Variants in PGM5 observed in about 807,000 individuals in gnomAD.
PGM5 encodes the protein phosphoglucomutase-like protein 5.
A neutral mutation model predicts 59.2 loss-of-function variants in PGM5; 23 were observed. The observed-to-expected ratio is 0.39, with a 90% CI of 0.28 to 0.55. PGM5 has a LOEUF of 0.55. PGM5 is among the 20% of genes least tolerant of loss of function. The pLI, the probability that PGM5 is intolerant of heterozygous loss-of-function variation, is 0.66. For synonymous variants in PGM5, 214 were observed against 286.0 expected (o/e 0.75, Z 2.54); for missense variants, 574 against 748.3 (o/e 0.77, Z 2.72).
At chr9:68,462,881 C>A (rs1277507772) in intron 6 of PGM5, among the ~76,000 whole-genome samples, 1 of 152,128 alleles carries the variant, frequency 6.6e-6, no homozygotes, top group South Asian at 2.1e-4. Context: ...CCTTCCATAG[C>A]CTTCTGACCA....
intron 6 of PGM5, among the ~76,000 whole-genome samples, chr9:68,413,382 A>G (rs1229726236): frequency 6.6e-6 from 1 of 152,008 alleles, no homozygotes; most frequent in African/African-American, 2.4e-5. Flanking sequence ...GGGTTTCCCA[A>G]ATATTTTCAG....
chr9:68,445,203 A>G (rs1450182994), intron 6 of PGM5, among the ~76,000 whole-genome samples: 1 of 151,640 alleles, frequency 6.6e-6, no homozygotes, highest in Non-Finnish European at 1.5e-5. Flanking sequence ...TCAGGATTAG[A>G]TAGGTGGAAA....
At chr9:68,422,113 A>G (rs1823140930) in intron 6 of PGM5, among the ~76,000 whole-genome samples, 1 of 152,024 alleles carries the variant, frequency 6.6e-6, no homozygotes, top group Admixed American at 6.5e-5. Flanking sequence ...AAAAATTTAG[A>G]AGCTATATAT....
At chr9:68,447,439 C>A (rs774954415) in intron 6 of PGM5, among the ~76,000 whole-genome samples, 4 of 152,016 alleles carry the variant, frequency 2.6e-5, no homozygotes, top group African/African-American at 4.8e-5. Context: ...AGAGAGAGAG[C>A]TGGCTTTGAA....
intron 10 of PGM5, among the ~76,000 whole-genome samples, chr9:68,500,824 C>T (rs1036902307): frequency 6.6e-6 from 1 of 152,150 alleles, no homozygotes; most frequent in Non-Finnish European, 1.5e-5. Flanking sequence ...CCTATTTGCA[C>T]AGGGCAAGTG....
chr9:68,524,773 C>T (rs1020793001), intron 10 of PGM5, among the ~76,000 whole-genome samples: 12 of 152,166 alleles, frequency 7.9e-5, no homozygotes, highest in African/African-American at 2.9e-4. Flanking sequence ...CTCTCTTTAT[C>T]CTTGTCACTC....
At chr9:68,430,581 A>G (rs1174522184) in intron 6 of PGM5, among the ~76,000 whole-genome samples, 17 of 152,366 alleles carry the variant, frequency 1.1e-4, no homozygotes, top group Middle Eastern at 3.4e-3. Context: ...GCCCAAGGAC[A>G]TTAAAGGCAT....
At chr9:68,489,720 G>C (rs557791029) in intron 9 of PGM5, among the ~76,000 whole-genome samples, 42 of 152,080 alleles carry the variant, frequency 2.8e-4, no homozygotes, top group Non-Finnish European at 5.7e-4. Context: ...GCCCACCTCG[G>C]CCTCCCAAAC....
At chr9:68,425,996 A>T (rs1554682672) in intron 6 of PGM5, among the ~76,000 whole-genome samples, 1 of 152,140 alleles carries the variant, frequency 6.6e-6, no homozygotes, top group African/African-American at 2.4e-5. Flanking sequence ...GTGGTTGTTG[A>T]TATTTGGTGT....
chr9:68,387,974 G>A (rs1554679056), intron 4 of PGM5, among the ~76,000 whole-genome samples: 22 of 151,602 alleles, frequency 1.5e-4, no homozygotes. Flanking sequence ...CATTTTTTCA[G>A]CTGTTTCTTT....
At chr9:68,426,158 G>A (rs1262747534) in intron 6 of PGM5, among the ~76,000 whole-genome samples, 1 of 152,054 alleles carries the variant, frequency 6.6e-6, no homozygotes, top group Admixed American at 6.6e-5. Context: ...GAGTATAATG[G>A]AAAGGAGGAA....
intron 6 of PGM5, among the ~76,000 whole-genome samples, chr9:68,412,128 C>T (rs1822945756): frequency 6.7e-6 from 1 of 150,038 alleles, no homozygotes; most frequent in African/African-American, 2.5e-5. Context: ...TTTCTCTTTT[C>T]TAATCTGCTT....
chr9:68,446,554 G>A (rs541474370), intron 6 of PGM5, among the ~76,000 whole-genome samples: 16 of 152,346 alleles, frequency 1.1e-4, no homozygotes, highest in East Asian at 5.8e-4. Flanking sequence ...GGTTGTGTAC[G>A]TGCTGTGCGT....
intron 10 of PGM5, among the ~76,000 whole-genome samples, chr9:68,524,221 G>A (rs890806038): frequency 6.6e-5 from 10 of 152,140 alleles, no homozygotes; most frequent in East Asian, 1.9e-4. Context: ...GATAAATATC[G>A]TAGTGCAATT....
chr9:68,405,178 A>T (rs425443), intron 6 of PGM5: 148,601 of 152,306 alleles, frequency 0.98, 72,609 homozygotes, highest in East Asian at 1. Context: ...TTGTACTTTC[A>T]CTGACTCATT....
intron 10 of PGM5, among the ~76,000 whole-genome samples, chr9:68,511,699 C>T (rs781972943): frequency 1.3e-5 from 2 of 151,434 alleles, no homozygotes; most frequent in Non-Finnish European, 2.9e-5. Flanking sequence ...TACAGGCATG[C>T]GTCACCATGC....
chr9:68,361,301 GTATT>G lies in PGM5; in HGVS notation c.261+3920_261+3923del, dbSNP rs542049375. Among the ~76,000 whole-genome samples the G allele has an allele frequency of 1.2e-4, 19 of 152,240 alleles. 1 individual carries two copies. The East Asian group carries it at 3.3e-3, about 26-fold the overall frequency. On this transcript the variant is annotated intron_variant, in intron 1 of 10. Coordinates refer to ENST00000396396, the MANE Select transcript of PGM5 (RefSeq NM_021965.4). ...GAAAATACCCTCACTCTTTGTTTAT[GTATT>G]TATTTAATGAAATTGATTGTTGAAA...
At chr9:68,431,878 G>A (rs140977210) in intron 6 of PGM5, among the ~76,000 whole-genome samples, 16 of 148,902 alleles carry the variant, frequency 1.1e-4, no homozygotes, top group African/African-American at 3.2e-4. Flanking sequence ...ATTTCTCACA[G>A]CAAAGTATTA....
At chr9:68,367,824 A>T (rs371354319) in intron 1 of PGM5, among the ~76,000 whole-genome samples, 10,861 of 151,130 alleles carry the variant, frequency 0.072, 491 homozygotes, top group Middle Eastern at 0.19. Flanking sequence ...AAAAAGGCAT[A>T]CACATGTATT....
Sources: allele counts gnomAD v4.1 joint callset (sites outside exome capture counted in the v4.1 genomes callset), GRCh38; gene constraint gnomAD v4.1.1; transcripts MANE v1.5; gene names NCBI Gene and HGNC (gene_info 2026-07-23, HGNC 2026-07-21).